CSMD1: variants seen among roughly 807,000 people sequenced by gnomAD.
The protein encoded by CSMD1 is CUB and Sushi multiple domains 1.
A neutral mutation model predicts 417.5 loss-of-function variants in CSMD1; 213 were observed. The ratio of observed to expected loss-of-function variants is 0.51; its 90% CI spans 0.46 to 0.57. The LOEUF is 0.57. Ranked by LOEUF, CSMD1 falls within the 20% of genes least tolerant of loss-of-function variation. The pLI is 0.00. For missense variants in CSMD1, 6,923 were observed against 4,529.7 expected (o/e 1.53, Z -15.17); for synonymous variants, 2,862 against 1,736.8 (o/e 1.65, Z -16.11).
chr8:4,188,960 T>G (rs979977478), intron 3 of CSMD1, among the ~76,000 whole-genome samples: 7 of 152,336 alleles, frequency 4.6e-5, no homozygotes, highest in African/African-American at 1.7e-4. Flanking sequence ...TAGAGCCCTG[T>G]GTTGAGGGGA....
chr8:3,678,580 C>G (rs768602116), intron 7 of CSMD1, among the ~76,000 whole-genome samples: 1 of 152,024 alleles, frequency 6.6e-6, no homozygotes, highest in Non-Finnish European at 1.5e-5. Flanking sequence ...CTGAGAGTGA[C>G]GGGGAGAATG....
chr8:3,985,217 G>A (rs766556159), intron 5 of CSMD1, among the ~76,000 whole-genome samples: 1 of 152,148 alleles, frequency 6.6e-6, no homozygotes, highest in Non-Finnish European at 1.5e-5. Flanking sequence ...TATCTGAGAA[G>A]CATTGACGGG....
At chr8:3,210,437 A>C (rs532257513) in intron 30 of CSMD1, among the ~76,000 whole-genome samples, 5 of 148,928 alleles carry the variant, frequency 3.4e-5, no homozygotes, top group South Asian at 4.2e-4. Context: ...ATATATAGGA[A>C]TATACATATA....
At chr8:4,713,243 C>T (rs1263206130) in intron 1 of CSMD1, among the ~76,000 whole-genome samples, 1 of 152,232 alleles carries the variant, frequency 6.6e-6, no homozygotes. Flanking sequence ...GCCAATTACT[C>T]AAGTACAGAA....
chr8:4,959,871 G>C (rs1352353563), intron 1 of CSMD1, among the ~76,000 whole-genome samples: 1 of 152,162 alleles, frequency 6.6e-6, no homozygotes, highest in South Asian at 2.1e-4. Context: ...GTGTCTCAAT[G>C]AGGTGAACTC....
chr8:4,035,672 G>A (rs1270250696), intron 3 of CSMD1, among the ~76,000 whole-genome samples: 3 of 152,098 alleles, frequency 2.0e-5, no homozygotes, highest in Admixed American at 6.6e-5. Context: ...CAATATAAAT[G>A]TTTTGCACAA....
At chr8:3,954,903 T>A (rs1006497804) in intron 5 of CSMD1, among the ~76,000 whole-genome samples, 1 of 152,216 alleles carries the variant, frequency 6.6e-6, no homozygotes, top group Non-Finnish European at 1.5e-5. Context: ...TGGAAACTCA[T>A]GCTCCTCCAT....
intron 1 of CSMD1, among the ~76,000 whole-genome samples, chr8:4,659,337 C>T (rs888957954): frequency 1.3e-5 from 2 of 152,062 alleles, no homozygotes; most frequent in Non-Finnish European, 1.5e-5. Context: ...AAACTCCAAG[C>T]TGGCAGGTAA....
intron 4 of CSMD1, among the ~76,000 whole-genome samples, chr8:4,027,847 T>C (rs1317597157): frequency 6.6e-6 from 1 of 152,214 alleles, no homozygotes; most frequent in African/African-American, 2.4e-5. Flanking sequence ...CTACATGATC[T>C]ATTAAAAATT....
chr8:4,277,525 T>C (rs142408644), intron 3 of CSMD1, among the ~76,000 whole-genome samples: 2 of 152,178 alleles, frequency 1.3e-5, no homozygotes, highest in Non-Finnish European at 2.9e-5. Flanking sequence ...TTTTCTTTTA[T>C]ATCTAGAGAG....
intron 4 of CSMD1, among the ~76,000 whole-genome samples, chr8:4,006,706 T>C (rs139302983): frequency 3.9e-5 from 6 of 152,274 alleles, no homozygotes; most frequent in Admixed American, 3.3e-4. Context: ...TGTCAGAATA[T>C]CTGATTTCTA....
intron 12 of CSMD1, among the ~76,000 whole-genome samples, chr8:3,418,483 C>T (rs1286806143): frequency 6.6e-6 from 1 of 151,994 alleles, no homozygotes; most frequent in African/African-American, 2.4e-5. Flanking sequence ...TATTGGTCAG[C>T]TATAATCATG....
chr8:3,690,400 C>A (rs547453758), intron 7 of CSMD1, among the ~76,000 whole-genome samples: 3 of 152,152 alleles, frequency 2.0e-5, no homozygotes, highest in African/African-American at 4.8e-5. Flanking sequence ...AATTTGCCAG[C>A]CTTTGATAAA....
At chr8:4,413,737 T>G (rs111299059) in intron 3 of CSMD1, among the ~76,000 whole-genome samples, 20 of 152,096 alleles carry the variant, frequency 1.3e-4, no homozygotes, top group African/African-American at 4.8e-4. Flanking sequence ...CTAATACAGC[T>G]AGTGTTCAAA....
intron 11 of CSMD1, 76 bp from the exon 12 acceptor site, chr8:3,468,900 G>C (rs1186567389): frequency 7.2e-6 from 7 of 976,764 alleles, no homozygotes; most frequent in South Asian, 4.4e-5. Context: ...GGAGGGTCTT[G>C]CTGCTTTAAA....
chr8:4,768,953 T>A (rs537072113), intron 1 of CSMD1, among the ~76,000 whole-genome samples: 1 of 152,260 alleles, frequency 6.6e-6, no homozygotes, highest in Admixed American at 6.5e-5. Context: ...AAAAGTCAGG[T>A]AAATAAATTA....
chr8:3,812,200 A>ATTTTGTG (rs1439301116), intron 5 of CSMD1, among the ~76,000 whole-genome samples: 3 of 152,224 alleles, frequency 2.0e-5, no homozygotes, highest in Non-Finnish European at 4.4e-5. Context: ...GACCACATAC[A>ATTTTGTG]AACAATATAT....
At chr8:3,004,917 T>C (rs1200417294) in intron 52 of CSMD1, among the ~76,000 whole-genome samples, 2 of 152,132 alleles carry the variant, frequency 1.3e-5, no homozygotes, top group Non-Finnish European at 2.9e-5. Context: ...GGTAGGTGGA[T>C]CACCTGAGGT....
At chr8:3,470,985 T>C (rs1243894686) in intron 11 of CSMD1, among the ~76,000 whole-genome samples, 1 of 152,178 alleles carries the variant, frequency 6.6e-6, no homozygotes, top group Non-Finnish European at 1.5e-5. Flanking sequence ...TTTGAATATG[T>C]GTGTGCAGGT....
Sources: gnomAD v4.1 joint callset for allele counts (sites outside exome capture counted in the v4.1 genomes callset) on GRCh38, gnomAD v4.1.1 for gene constraint, MANE v1.5 for transcripts, NCBI Gene and HGNC (gene_info 2026-07-23, HGNC 2026-07-21) for gene names.